DLGAP1: variants seen among roughly 807,000 people sequenced by gnomAD.
DLGAP1 encodes the protein DLG associated protein 1, also known as disks large-associated protein 1.
In DLGAP1, 11 loss-of-function variants were observed where a neutral mutation model predicts 90.8. That is an observed-to-expected ratio of 0.12 (90% CI 0.08 to 0.20). The LOEUF (loss-of-function observed/expected upper bound fraction) is 0.20, where lower values mean the gene tolerates loss of function less well. Among genes scored for constraint, DLGAP1 ranks in the 10% least tolerant of loss-of-function variants. DLGAP1 has a pLI of 1.00. For synonymous variants in DLGAP1, 558 were observed against 540.7 expected (o/e 1.03, Z -0.44); for missense variants, 1,050 against 1,333.8 (o/e 0.79, Z 3.31).
In DLGAP1 at chr18:4,361,883, C is replaced by T. The variant is rs180953298; in HGVS notation, c.-267+93123G>A. The stretch of plus-strand genomic sequence containing the variant: ...TGAATAGAGAACTCCTAAAATTCAA[C>T]AGCTAAAAACCAGAAGACCTAATTT... On this transcript the variant is annotated intron_variant, in intron 1 of 12. Coordinates refer to ENST00000315677, the MANE Select transcript of DLGAP1 (RefSeq NM_004746.4). Among the ~76,000 whole-genome samples the T allele has an allele frequency of 2.5e-3, 382 of 152,146 alleles. 1 individual carries two copies. Among genetic ancestry groups the T allele is most frequent in the African/African-American group, 8.8e-3 (367 of 41,510 alleles).
At position 4,367,766 on chromosome 18, in the gene DLGAP1, G is replaced by A. The variant is rs1183251102; in HGVS notation, c.-267+87240C>T. ...TGGGAGGCTGAGGCAGGAGAATGGC[G>A]TGAACCCGGGAGGCAGAGCTTGCAG... is the stretch of plus-strand genomic sequence containing the variant. On this transcript the variant is annotated intron_variant, in intron 1 of 12. Coordinates refer to ENST00000315677, the MANE Select transcript of DLGAP1 (RefSeq NM_004746.4). Among the ~76,000 whole-genome samples the A allele has an allele frequency of 4.6e-5, 7 of 152,030 alleles. No individual in the cohort carries two copies. The South Asian group carries it at 6.2e-4, about 14-fold the overall frequency.
intron 1 of DLGAP1, among the ~76,000 whole-genome samples, chr18:4,391,561 T>C (rs2082340743): frequency 6.6e-6 from 1 of 152,136 alleles, no homozygotes; most frequent in Non-Finnish European, 1.5e-5. Flanking sequence ...TTGGTGAAGA[T>C]CCCCTTAGCT....
chr18:4,087,297 G>A (rs7506071), intron 2 of DLGAP1, among the ~76,000 whole-genome samples: 50,629 of 151,640 alleles, frequency 0.33, 8,550 homozygotes, highest in African/African-American at 0.35. Context: ...CTGCAGCACT[G>A]TGACATGCTT....
intron 8 of DLGAP1, chr18:3,571,139 C>A (rs1177268244): frequency 1.3e-5 from 2 of 151,670 alleles, no homozygotes; most frequent in Non-Finnish European, 2.9e-5. Flanking sequence ...TGTCTTTTTA[C>A]TATGTAGTAT....
chr18:3,525,591 A>G (rs1049429927), intron 10 of DLGAP1, among the ~76,000 whole-genome samples: 6 of 151,992 alleles, frequency 3.9e-5, no homozygotes, highest in Non-Finnish European at 5.9e-5. Flanking sequence ...GTAGAGACGG[A>G]GTTTCAACCA....
intron 7 of DLGAP1, among the ~76,000 whole-genome samples, chr18:3,705,179 G>T (rs1473401028): frequency 6.6e-6 from 1 of 152,126 alleles, no homozygotes; most frequent in Admixed American, 6.6e-5. Flanking sequence ...TGAGTCAAAC[G>T]AATTTTGTTG....
chr18:4,045,430 T>TCCAAAAA (rs2075035476), intron 2 of DLGAP1, among the ~76,000 whole-genome samples: 3 of 16,594 alleles, frequency 1.8e-4, no homozygotes, highest in African/African-American at 8.3e-4. Context: ...ACCCCATCTC[T>TCCAAAAA]ACAAAAAAAA....
chr18:3,576,948 C>T lies in DLGAP1; in HGVS notation c.1965+4927G>A, dbSNP rs546128699. Among the ~76,000 whole-genome samples, 16 of 151,926 alleles carry T rather than the reference C, an allele frequency of 1.1e-4. No homozygotes were observed. The South Asian group carries it at 2.3e-3, about 22-fold the overall frequency. On this transcript the variant is annotated intron_variant, in intron 8 of 12. Coordinates refer to ENST00000315677, the MANE Select transcript of DLGAP1 (RefSeq NM_004746.4). ...CACAATCTCGGCTCACTGCAACCTC[C>T]GTCTCCCAGGTTCAAGTGATTCTTC...
intron 10 of DLGAP1, among the ~76,000 whole-genome samples, chr18:3,524,781 G>A (rs2051493087): frequency 6.6e-6 from 1 of 152,132 alleles, no homozygotes; most frequent in Middle Eastern, 3.2e-3. Flanking sequence ...TCATGGCATT[G>A]GGATTATCCA....
Position 3,499,643 on chromosome 18 carries a change from G to C in DLGAP1, c.2725-249C>G, listed in dbSNP as rs1239121335. Among the ~76,000 whole-genome samples the C allele has an allele frequency of 6.6e-6, 1 of 152,106 alleles. No homozygotes were observed. Among genetic ancestry groups the C allele is most frequent in the African/African-American group, 2.4e-5 (1 of 41,428 alleles). On this transcript the variant is annotated intron_variant, in intron 12 of 12. Coordinates refer to ENST00000315677, the MANE Select transcript of DLGAP1 (RefSeq NM_004746.4). The surrounding 1 kb of genome is among the most constrained non-coding windows in gnomAD (Gnocchi z 6.4). ...GTTGCAGAACTAGGTCTCTCCAAGG[G>C]AAGGAAGTGGGTATTTTAAAGGCCC...
At chr18:4,015,059 A>G (rs2074497671) in intron 2 of DLGAP1, among the ~76,000 whole-genome samples, 1 of 152,174 alleles carries the variant, frequency 6.6e-6, no homozygotes, top group Non-Finnish European at 1.5e-5. Context: ...AAAGCTCTTG[A>G]CAGAAATATT....
intron 11 of DLGAP1, among the ~76,000 whole-genome samples, chr18:3,507,162 T>C (rs538879120): frequency 2.0e-5 from 3 of 152,246 alleles, no homozygotes; most frequent in Admixed American, 6.5e-5. Flanking sequence ...TCTTTCAGTC[T>C]GTATTTCTCC....
At chr18:3,804,547 A>C (rs2066478173) in intron 5 of DLGAP1, among the ~76,000 whole-genome samples, 1 of 152,232 alleles carries the variant, frequency 6.6e-6, no homozygotes, top group Non-Finnish European at 1.5e-5. Flanking sequence ...CTGGCAATGC[A>C]AAGTAGGGTT....
chr18:3,575,339 G>T (rs889402766), intron 8 of DLGAP1, among the ~76,000 whole-genome samples: 18 of 152,222 alleles, frequency 1.2e-4, no homozygotes, highest in African/African-American at 4.3e-4. Flanking sequence ...TCAAAGAATA[G>T]AGAAAGCCAT....
intron 10 of DLGAP1, among the ~76,000 whole-genome samples, chr18:3,528,807 T>G (rs540679659): frequency 2.6e-5 from 4 of 152,318 alleles, no homozygotes; most frequent in African/African-American, 9.6e-5. Context: ...CGGCACTGAC[T>G]AGAATTTTGG....
chr18:3,568,318 G>C (rs1053384807), intron 8 of DLGAP1, among the ~76,000 whole-genome samples: 2 of 152,126 alleles, frequency 1.3e-5, no homozygotes, highest in African/African-American at 4.8e-5. Flanking sequence ...AAACTATAGA[G>C]TGTCTTCATT....
intron 2 of DLGAP1, among the ~76,000 whole-genome samples, chr18:4,106,620 A>T (rs568226913): frequency 1.3e-4 from 20 of 152,332 alleles, no homozygotes; most frequent in African/African-American, 4.8e-4. Context: ...CAGAGGGCAG[A>T]ACAGAGGAAC....
intron 7 of DLGAP1, among the ~76,000 whole-genome samples, chr18:3,611,102 AC>A (rs2057598934): frequency 6.6e-6 from 1 of 151,168 alleles, no homozygotes. Context: ...ACTGCACTCT[AC>A]CCTGGGCGAT....
intron 2 of DLGAP1, among the ~76,000 whole-genome samples, chr18:4,078,535 G>A (rs2075557845): frequency 6.6e-6 from 1 of 152,124 alleles, no homozygotes; most frequent in African/African-American, 2.4e-5. Flanking sequence ...TGTGAAATTA[G>A]GCACTAGACA....
Sources: allele counts gnomAD v4.1 joint callset (sites outside exome capture counted in the v4.1 genomes callset), GRCh38; gene constraint gnomAD v4.1.1; non-coding constraint Gnocchi (gnomAD v3.1); transcripts MANE v1.5; gene names NCBI Gene and HGNC (gene_info 2026-07-23, HGNC 2026-07-21).